GSTCD: variants seen among roughly 807,000 people sequenced by gnomAD.
GSTCD encodes the protein glutathione S-transferase C-terminal domain-containing protein.
A neutral mutation model predicts 68.3 loss-of-function variants in GSTCD; 44 were observed. The observed-to-expected ratio is 0.64, with a 90% CI of 0.51 to 0.83. The LOEUF is 0.83. Among genes scored for constraint, GSTCD ranks in the 40% least tolerant of loss-of-function variants. The pLI is 0.00. For synonymous variants in GSTCD, 273 were observed against 255.2 expected, an observed-to-expected ratio of 1.07 and a Z score of -0.67; for missense variants, 739 against 735.9, an observed-to-expected ratio of 1.00 and a Z score of -0.05.
chr4:105,749,268 T>C (rs923167105), intron 5 of GSTCD, among the ~76,000 whole-genome samples: 1 of 151,900 alleles, frequency 6.6e-6, no homozygotes, highest in Non-Finnish European at 1.5e-5. Context: ...AAATTTCACG[T>C]GAAGTAACAC....
intron 5 of GSTCD, among the ~76,000 whole-genome samples, chr4:105,771,249 C>G (rs1346701111): frequency 1.3e-5 from 2 of 151,272 alleles, no homozygotes; most frequent in Non-Finnish European, 2.9e-5. Context: ...GTTTAAGTTT[C>G]TTGTAGATTC....
intron 5 of GSTCD, among the ~76,000 whole-genome samples, chr4:105,750,081 C>G (rs1412121622): frequency 2.0e-5 from 3 of 152,144 alleles, no homozygotes; most frequent in Non-Finnish European, 4.4e-5. Context: ...AAAATTTCTT[C>G]TATTTTATCA....
chr4:105,738,886 G>A (rs1053015780), intron 5 of GSTCD, among the ~76,000 whole-genome samples: 2 of 152,214 alleles, frequency 1.3e-5, no homozygotes, highest in Admixed American at 6.5e-5. Context: ...GTGAATAGGA[G>A]TGGTGAGAAT....
intron 5 of GSTCD, among the ~76,000 whole-genome samples, chr4:105,772,273 G>T (rs1177226776): frequency 1.3e-5 from 2 of 152,082 alleles, no homozygotes; most frequent in Non-Finnish European, 2.9e-5. Context: ...AAGACAATGG[G>T]GTTTTCTAAA....
intron 11 of GSTCD, among the ~76,000 whole-genome samples, chr4:105,842,732 T>C (rs551179803): frequency 1.3e-5 from 2 of 152,322 alleles, no homozygotes; most frequent in East Asian, 3.9e-4. Flanking sequence ...AGCTAAATGC[T>C]CTTGACTGTT....
chr4:105,746,704 T>C (rs1733815752), intron 5 of GSTCD, among the ~76,000 whole-genome samples: 1 of 152,180 alleles, frequency 6.6e-6, no homozygotes, highest in South Asian at 2.1e-4. Context: ...TTATTATTGT[T>C]GACTAAAGTT....
At chr4:105,731,781 G>C (rs1358955608) in intron 5 of GSTCD, among the ~76,000 whole-genome samples, 1 of 152,196 alleles carries the variant, frequency 6.6e-6, no homozygotes, top group Non-Finnish European at 1.5e-5. Context: ...AGTTTTCAAA[G>C]GGAATGCTTC....
At chr4:105,813,467 A>G (rs1722837287) in intron 5 of GSTCD, among the ~76,000 whole-genome samples, 1 of 152,196 alleles carries the variant, frequency 6.6e-6, no homozygotes, top group Non-Finnish European at 1.5e-5. Context: ...CCTTCAGGCT[A>G]TTTGTATAAG....
At chr4:105,807,738 T>C (rs1473637196) in intron 5 of GSTCD, among the ~76,000 whole-genome samples, 2 of 151,998 alleles carry the variant, frequency 1.3e-5, no homozygotes, top group Admixed American at 1.3e-4. Context: ...GTTTGACACA[T>C]TGTTTGTGAT....
intron 5 of GSTCD, among the ~76,000 whole-genome samples, chr4:105,758,788 C>G (rs1413808692): frequency 6.6e-6 from 1 of 152,064 alleles, no homozygotes; most frequent in East Asian, 1.9e-4. Flanking sequence ...TTTATTTTAC[C>G]ATCAGCAATG....
intron 5 of GSTCD, among the ~76,000 whole-genome samples, chr4:105,784,616 G>T (rs1735395895): frequency 6.6e-6 from 1 of 152,122 alleles, no homozygotes; most frequent in Non-Finnish European, 1.5e-5. Context: ...TATAATGTTT[G>T]CAAAATTGTG....
intron 3 of GSTCD, among the ~76,000 whole-genome samples, chr4:105,726,334 C>A (rs2149210084): frequency 6.6e-6 from 1 of 152,188 alleles, no homozygotes; most frequent in East Asian, 1.9e-4. Flanking sequence ...ACACAGAAAG[C>A]CGATCAGTGG....
At chr4:105,775,943 C>T (rs1378524409) in intron 5 of GSTCD, among the ~76,000 whole-genome samples, 3 of 152,214 alleles carry the variant, frequency 2.0e-5, no homozygotes, top group Non-Finnish European at 4.4e-5. Context: ...AAAGTGCGCA[C>T]ACAGCTGCCC....
intron 5 of GSTCD, among the ~76,000 whole-genome samples, chr4:105,748,053 A>G (rs1578432709): frequency 6.6e-6 from 1 of 152,100 alleles, no homozygotes; most frequent in African/African-American, 2.4e-5. Flanking sequence ...TCAGGAGTTC[A>G]AGACCAGCCT....
chr4:105,788,857 C>T (rs1735560456), intron 5 of GSTCD, among the ~76,000 whole-genome samples: 2 of 151,880 alleles, frequency 1.3e-5, no homozygotes, highest in South Asian at 4.2e-4. Context: ...GCAAAGACTG[C>T]CAAGCATGTT....
intron 7 of GSTCD, 97 bp downstream of exon 7, chr4:105,823,372 C>A: frequency 1.0e-6 from 1 of 953,874 alleles, no homozygotes; most frequent in Non-Finnish European, 1.7e-6. Flanking sequence ...TCTAGTCACT[C>A]ACCCAAGTCA....
intron 5 of GSTCD, among the ~76,000 whole-genome samples, chr4:105,794,652 G>A (rs1240420071): frequency 1.3e-5 from 2 of 151,292 alleles, no homozygotes; most frequent in African/African-American, 2.4e-5. Context: ...CTGCCCAAGG[G>A]TTTAACAACT....
chr4:105,764,692 TA>T (rs1289624364), intron 5 of GSTCD, among the ~76,000 whole-genome samples: 1 of 152,174 alleles, frequency 6.6e-6, no homozygotes, highest in East Asian at 1.9e-4. Flanking sequence ...CATGTAACCC[TA>T]ATTACCTCCG....
chr4:105,738,143 T>C (rs1024788709), intron 5 of GSTCD, among the ~76,000 whole-genome samples: 1 of 152,180 alleles, frequency 6.6e-6, no homozygotes, highest in Admixed American at 6.5e-5. Flanking sequence ...AAACCTCTTT[T>C]CTTTATAAAT....
Sources: gnomAD v4.1 joint callset for allele counts (sites outside exome capture counted in the v4.1 genomes callset) on GRCh38, gnomAD v4.1.1 for gene constraint, MANE v1.5 for transcripts, NCBI Gene and HGNC (gene_info 2026-07-23, HGNC 2026-07-21) for gene names.